Variants in CNTNAP2 observed in about 807,000 individuals in gnomAD.
CNTNAP2 encodes contactin-associated protein-like 2.
CNTNAP2 carries 98 observed loss-of-function variants against 155.2 expected under a neutral mutation model. The observed-to-expected ratio is 0.63, with a 90% CI of 0.54 to 0.75. The LOEUF is 0.75. CNTNAP2 is among the 30% of genes least tolerant of loss of function. CNTNAP2 has a pLI of 0.00. For synonymous variants in CNTNAP2, 651 were observed against 631.2 expected, an observed-to-expected ratio of 1.03 and a Z score of -0.47; for missense variants, 1,727 against 1,688.1, an observed-to-expected ratio of 1.02 and a Z score of -0.40.
At chr7:146,316,151 G>A (rs972458613) in intron 1 of CNTNAP2, among the ~76,000 whole-genome samples, 1 of 151,954 alleles carries the variant, frequency 6.6e-6, no homozygotes, top group Non-Finnish European at 1.5e-5. Flanking sequence ...CAAGTCATCT[G>A]TAATTGTTTG....
intron 11 of CNTNAP2, among the ~76,000 whole-genome samples, chr7:147,528,803 T>C (rs1799377799): frequency 6.6e-6 from 1 of 152,108 alleles, no homozygotes; most frequent in African/African-American, 2.4e-5. Context: ...ATAATACCAA[T>C]CCGAACAAGC....
chr7:147,906,936 T>C (rs1289505584), intron 14 of CNTNAP2, among the ~76,000 whole-genome samples: 2 of 152,246 alleles, frequency 1.3e-5, no homozygotes, highest in African/African-American at 4.8e-5. Context: ...TGGTCACTGC[T>C]GGTGTCTTGT....
rs1406218028 is a variant in CNTNAP2, at chr7:148,365,720, A to G, written c.3476-17929A>G. Reference sequence around the variant, plus strand: ...TATGTATACTTTTATATATATGTATACGTGTATATATGTATGTGTATACAT... The same window carrying G: ...TATGTATACTTTTATATATATGTATGCGTGTATATATGTATGTGTATACAT... On this transcript the variant is annotated intron_variant, in intron 21 of 23. Transcript: ENST00000361727. 6.9e-5 allele frequency among the ~76,000 whole-genome samples: 3 copies of G among 43,184 alleles called. 1 individual carries two copies. The highest frequency in any genetic ancestry group is 1.6e-4 in the African/African-American group (3 of 19,254). 28.3% of individuals were successfully genotyped at this position (43,184 alleles called of 152,430 possible).
chr7:148,033,280 C>G (rs975477339), intron 15 of CNTNAP2, among the ~76,000 whole-genome samples: 1 of 151,982 alleles, frequency 6.6e-6, no homozygotes, highest in Admixed American at 6.6e-5. Context: ...TATCTCTTTC[C>G]TGAAGACTTC....
At chr7:146,373,594 T>G (rs945776704) in intron 1 of CNTNAP2, among the ~76,000 whole-genome samples, 1 of 152,016 alleles carries the variant, frequency 6.6e-6, no homozygotes, top group Non-Finnish European at 1.5e-5. Flanking sequence ...ATGGAGTATA[T>G]GAAGCAGTAT....
intron 11 of CNTNAP2, among the ~76,000 whole-genome samples, chr7:147,505,000 T>G (rs1215009460): frequency 6.6e-6 from 1 of 151,974 alleles, no homozygotes; most frequent in Non-Finnish European, 1.5e-5. Flanking sequence ...AGGGTGTCTT[T>G]TCACAGGATA....
chr7:146,691,990 A>G (rs905733486), intron 1 of CNTNAP2, among the ~76,000 whole-genome samples: 5 of 152,146 alleles, frequency 3.3e-5, no homozygotes, highest in African/African-American at 9.6e-5. Context: ...GAGACATCCA[A>G]TGATGCACAA....
chr7:147,730,800 C>T (rs1420079454), intron 13 of CNTNAP2, among the ~76,000 whole-genome samples: 1 of 152,108 alleles, frequency 6.6e-6, no homozygotes, highest in African/African-American at 2.4e-5. Context: ...TTATACCAAA[C>T]AGCCAAGGTG....
intron 1 of CNTNAP2, among the ~76,000 whole-genome samples, chr7:146,731,551 A>G (rs1314774275): frequency 6.6e-6 from 1 of 152,144 alleles, no homozygotes; most frequent in African/African-American, 2.4e-5. Context: ...TGAAATCAAG[A>G]AACCTTTCAT....
At chr7:147,192,265 TGCCTTTCCC>T (rs1448886906) in intron 8 of CNTNAP2, among the ~76,000 whole-genome samples, 3 of 152,208 alleles carry the variant, frequency 2.0e-5, no homozygotes, top group African/African-American at 7.2e-5. Flanking sequence ...CCCAGTCAGC[TGCCTTTCCC>T]TGGTCCGTTC....
At chr7:147,930,559 C>T (rs1585034739) in intron 14 of CNTNAP2, among the ~76,000 whole-genome samples, 1 of 152,198 alleles carries the variant, frequency 6.6e-6, no homozygotes, top group African/African-American at 2.4e-5. Context: ...CACCCAGCAT[C>T]AGTACCTCTA....
intron 21 of CNTNAP2, among the ~76,000 whole-genome samples, chr7:148,348,892 TACAG>T (rs1287135312): frequency 7.9e-5 from 12 of 152,230 alleles, no homozygotes; most frequent in African/African-American, 2.9e-4. Context: ...CTTTTCTAAT[TACAG>T]ACACATAAAA....
intron 17 of CNTNAP2, among the ~76,000 whole-genome samples, chr7:148,158,010 C>T (rs575352338): frequency 1.7e-3 from 252 of 152,246 alleles, no homozygotes; most frequent in Non-Finnish European, 2.4e-3. Flanking sequence ...TGGGCCACCA[C>T]GCTCAGTCGG....
chr7:146,795,160 A>G (rs1802746707), intron 2 of CNTNAP2, among the ~76,000 whole-genome samples: 1 of 152,250 alleles, frequency 6.6e-6, no homozygotes, highest in Non-Finnish European at 1.5e-5. Flanking sequence ...CTCATGATAA[A>G]GAGCAATCTC....
intron 21 of CNTNAP2, among the ~76,000 whole-genome samples, chr7:148,294,391 G>T (rs561756903): frequency 6.6e-6 from 1 of 151,628 alleles, no homozygotes; most frequent in African/African-American, 2.4e-5. Flanking sequence ...TTTTATGTAC[G>T]GCTAACTTAA....
At chr7:146,471,521 T>C (rs1328913148) in intron 1 of CNTNAP2, among the ~76,000 whole-genome samples, 3 of 152,256 alleles carry the variant, frequency 2.0e-5, no homozygotes, top group Admixed American at 2.0e-4. Context: ...AGTTCCATGA[T>C]GTTTGCTGTG....
At chr7:146,591,332 AC>A (rs1798779340) in intron 1 of CNTNAP2, among the ~76,000 whole-genome samples, 1 of 152,180 alleles carries the variant, frequency 6.6e-6, no homozygotes, top group Admixed American at 6.6e-5. Context: ...TGAGGCCTTA[AC>A]CACAGAAGAA....
At chr7:146,671,061 A>G (rs1800295118) in intron 1 of CNTNAP2, among the ~76,000 whole-genome samples, 1 of 152,218 alleles carries the variant, frequency 6.6e-6, no homozygotes, top group African/African-American at 2.4e-5. Flanking sequence ...ATTCTTGACC[A>G]GGACAGCTTA....
At chr7:147,734,091 G>A (rs946855256) in intron 13 of CNTNAP2, among the ~76,000 whole-genome samples, 1 of 152,116 alleles carries the variant, frequency 6.6e-6, no homozygotes, top group Non-Finnish European at 1.5e-5. Flanking sequence ...CTGGTCTTGT[G>A]CCTGTTTTCG....
Sources: allele counts gnomAD v4.1 joint callset (sites outside exome capture counted in the v4.1 genomes callset), GRCh38; gene constraint gnomAD v4.1.1; transcripts MANE v1.5; gene names NCBI Gene and HGNC (gene_info 2026-07-23, HGNC 2026-07-21).